Variants in KIAA1217 observed in about 807,000 individuals in gnomAD.
The protein encoded by KIAA1217 is sickle tail protein homolog.
In KIAA1217, 88 loss-of-function variants were observed where a neutral mutation model predicts 163.9. The ratio of observed to expected loss-of-function variants is 0.54; its 90% CI spans 0.45 to 0.64. The LOEUF (loss-of-function observed/expected upper bound fraction) is 0.64. Among genes scored for constraint, KIAA1217 ranks in the 30% least tolerant of loss-of-function variants. KIAA1217 has a pLI of 0.00. For missense variants in KIAA1217, 2,372 were observed against 2,475.0 expected (o/e 0.96, Z 0.88); for synonymous variants, 903 against 923.1 (o/e 0.98, Z 0.39).
chr10:24,213,562 G>A (rs2068431468), intron 1 of KIAA1217, among the ~76,000 whole-genome samples: 2 of 102,072 alleles, frequency 2.0e-5, no homozygotes, highest in Non-Finnish European at 4.1e-5. Context: ...TATATGATTT[G>A]TTTGTGGTTG....
chr10:23,807,072 G>A (rs1034135883), intron 1 of KIAA1217, among the ~76,000 whole-genome samples: 32 of 152,214 alleles, frequency 2.1e-4, no homozygotes, highest in African/African-American at 7.7e-4. Flanking sequence ...CTTAGAGCAG[G>A]GAGCTAAGCT....
intron 1 of KIAA1217, among the ~76,000 whole-genome samples, chr10:23,970,918 G>C (rs528216902): frequency 6.6e-6 from 1 of 152,344 alleles, no homozygotes; most frequent in South Asian, 2.1e-4. Context: ...ATAAGGCAGA[G>C]TGAGGAGACC....
At chr10:24,224,645 C>T (rs1235259732) in intron 2 of KIAA1217, among the ~76,000 whole-genome samples, 1 of 151,894 alleles carries the variant, frequency 6.6e-6, no homozygotes, top group Non-Finnish European at 1.5e-5. Flanking sequence ...TTCTCTGTTT[C>T]AGTTTCCTCG....
intron 8 of KIAA1217, among the ~76,000 whole-genome samples, chr10:24,500,881 G>A (rs998740290): frequency 2.6e-5 from 4 of 152,076 alleles, no homozygotes; most frequent in East Asian, 1.9e-4. Context: ...CCAGGTGTTC[G>A]AGACCTGCCT....
intron 2 of KIAA1217, among the ~76,000 whole-genome samples, chr10:24,181,290 G>A (rs1008539362): frequency 3.9e-4 from 59 of 152,322 alleles, no homozygotes; most frequent in Admixed American, 6.5e-4. Flanking sequence ...AGAGGATATG[G>A]AGTTGAGACC....
chr10:23,902,247 T>G (rs1402890669), intron 1 of KIAA1217, among the ~76,000 whole-genome samples: 5 of 152,112 alleles, frequency 3.3e-5, no homozygotes, highest in African/African-American at 1.2e-4. Context: ...GTGGCCATTA[T>G]CCTTAGCAAA....
intron 2 of KIAA1217, among the ~76,000 whole-genome samples, chr10:24,372,599 C>G (rs1320288002): frequency 6.6e-6 from 1 of 152,080 alleles, no homozygotes; most frequent in East Asian, 1.9e-4. Context: ...TTGCAATATA[C>G]CCATGTAACA....
chr10:24,490,937 AC>A (rs1436687378), intron 6 of KIAA1217, among the ~76,000 whole-genome samples: 33 of 152,334 alleles, frequency 2.2e-4, no homozygotes, highest in African/African-American at 7.9e-4. Context: ...GCATGTGGGT[AC>A]CTGGAGTGCA....
chr10:24,206,620 A>G (rs535320658), upstream of KIAA1217, among the ~76,000 whole-genome samples: 1 of 152,366 alleles, frequency 6.6e-6, no homozygotes, highest in Admixed American at 6.5e-5. Flanking sequence ...AAGTAATCCA[A>G]TAGAAGCTTT....
intron 1 of KIAA1217, among the ~76,000 whole-genome samples, chr10:23,795,582 G>A (rs1262305945): frequency 6.6e-6 from 1 of 152,192 alleles, no homozygotes; most frequent in African/African-American, 2.4e-5. Flanking sequence ...AAGTGGTTCG[G>A]TCCAAAAGGC....
intron 1 of KIAA1217, among the ~76,000 whole-genome samples, chr10:23,773,411 T>G (rs1834879836): frequency 1.3e-5 from 2 of 151,792 alleles, no homozygotes; most frequent in African/African-American, 4.8e-5. Flanking sequence ...CCTCCAGCTT[T>G]GTTCTTTTGG....
rs144889340 is a variant in KIAA1217 at position 24,076,952 on chromosome 10, C to T, written c.-171+69578C>T. 2.4e-4 allele frequency among the ~76,000 whole-genome samples: 37 copies of T among 151,118 alleles called. No homozygotes were observed. In the East Asian group the frequency reaches 6.6e-3, roughly 27 times the overall value. On this transcript the variant is annotated intron_variant, in intron 2 of 18. Coordinates refer to the KIAA1217 transcript ENST00000376462. ...TGTGCGACAGTGCAATCTTGGCTCACTGCAACTGCCAGCTCCCAGGTTCAA... is the reference window on the plus strand; with the variant it reads ...TGTGCGACAGTGCAATCTTGGCTCATTGCAACTGCCAGCTCCCAGGTTCAA...
In KIAA1217 at chr10:23,981,055, C is replaced by A. The variant is rs981530432; in HGVS notation, c.-320-26170C>A. Among the ~76,000 whole-genome samples, 3 of 152,064 alleles carry A rather than the reference C, an allele frequency of 2.0e-5. No individual in the cohort carries two copies. The East Asian group carries it at 5.8e-4, about 29-fold the overall frequency. On this transcript the variant is annotated intron_variant, in intron 1 of 18. Transcript: ENST00000376462. ...GTTGCTTAAAGTTTAAAAATAAAACCGTATTTGCACCAAAGCAGAGATAAA... is the reference window on the plus strand; with the variant it reads ...GTTGCTTAAAGTTTAAAAATAAAACAGTATTTGCACCAAAGCAGAGATAAA...
chr10:23,810,634 A>T (rs1327329880), intron 1 of KIAA1217, among the ~76,000 whole-genome samples: 2 of 130,050 alleles, frequency 1.5e-5, no homozygotes, highest in East Asian at 4.4e-4. Context: ...TCTTATATAT[A>T]ATAAATATAT....
At chr10:24,214,784 G>A (rs1434770818) in intron 1 of KIAA1217, among the ~76,000 whole-genome samples, 1 of 152,138 alleles carries the variant, frequency 6.6e-6, no homozygotes, top group East Asian at 1.9e-4. Context: ...AAGAAGTGAG[G>A]GATGCCTTCC....
chr10:23,839,343 T>C (rs1290103923), intron 1 of KIAA1217, among the ~76,000 whole-genome samples: 7 of 152,224 alleles, frequency 4.6e-5, no homozygotes, highest in Non-Finnish European at 1.5e-5. Flanking sequence ...TTCTTGAAGA[T>C]GACATTTCTC....
intron 1 of KIAA1217, among the ~76,000 whole-genome samples, chr10:23,978,333 G>T (rs1232768242): frequency 6.6e-6 from 1 of 152,124 alleles, no homozygotes; most frequent in Non-Finnish European, 1.5e-5. Context: ...CCTCCTAAAA[G>T]TTCCCAGGTT....
chr10:24,356,755 A>G (rs566742610), intron 2 of KIAA1217, among the ~76,000 whole-genome samples: 121 of 152,338 alleles, frequency 7.9e-4, no homozygotes, highest in Admixed American at 1.5e-3. Flanking sequence ...CACAGCAAGA[A>G]GGCCCTCGCC....
At chr10:24,242,899 T>C (rs2073280108) in intron 2 of KIAA1217, among the ~76,000 whole-genome samples, 1 of 152,232 alleles carries the variant, frequency 6.6e-6, no homozygotes, top group African/African-American at 2.4e-5. Context: ...TTCAGAATTG[T>C]CTGTTTATGT....
Sources: gnomAD v4.1 joint callset for allele counts (sites outside exome capture counted in the v4.1 genomes callset) on GRCh38, gnomAD v4.1.1 for gene constraint, MANE v1.5 for transcripts, NCBI Gene and HGNC (gene_info 2026-07-23, HGNC 2026-07-21) for gene names.